Variants in RERE observed in about 807,000 individuals in gnomAD.
RERE encodes the protein arginine-glutamic acid dipeptide repeats protein.
In RERE, 40 loss-of-function variants were observed where a neutral mutation model predicts 146.1. The observed-to-expected ratio is 0.27, with a 90% CI of 0.21 to 0.36. The LOEUF is 0.36. Ranked by LOEUF, RERE falls within the 10% of genes least tolerant of loss-of-function variation. RERE has a pLI of 1.00. For missense variants in RERE, 1,933 were observed against 2,138.7 expected (o/e 0.90, Z 1.90); for synonymous variants, 1,003 against 866.0 (o/e 1.16, Z -2.78).
intron 1 of RERE, among the ~76,000 whole-genome samples, chr1:8,683,741 G>T (rs1464771625): frequency 6.6e-6 from 1 of 152,186 alleles, no homozygotes. Context: ...TCAGGAGTTT[G>T]AAACCAATCT....
intron 20 of RERE, among the ~76,000 whole-genome samples, chr1:8,357,704 ACT>A (rs1361126348): frequency 6.6e-6 from 1 of 152,214 alleles, no homozygotes; most frequent in Non-Finnish European, 1.5e-5. Flanking sequence ...GGTGGACAGG[ACT>A]GAGCAGCCCT....
chr1:8,402,159 G>C (rs185769323), intron 12 of RERE, among the ~76,000 whole-genome samples: 1 of 152,154 alleles, frequency 6.6e-6, no homozygotes. Flanking sequence ...GAGCCGCTGC[G>C]CCCGGCCAAC....
intron 11 of RERE, among the ~76,000 whole-genome samples, chr1:8,458,800 G>A (rs979749438): frequency 3.3e-5 from 5 of 152,334 alleles, no homozygotes; most frequent in East Asian, 1.9e-4. Context: ...GTAGTGAGCC[G>A]TGGATGTGAA....
intron 4 of RERE, among the ~76,000 whole-genome samples, chr1:8,569,337 C>T (rs903354528): frequency 1.3e-5 from 2 of 151,156 alleles, no homozygotes; most frequent in Non-Finnish European, 2.9e-5. Context: ...TTGGTGACGG[C>T]GGTGATGGCA....
At chr1:8,525,494 C>T (rs1645558786) in intron 7 of RERE, among the ~76,000 whole-genome samples, 1 of 152,178 alleles carries the variant, frequency 6.6e-6, no homozygotes, top group South Asian at 2.1e-4. Context: ...ATACTACGAG[C>T]CGAAGAGGTA....
At chr1:8,406,788 T>C (rs1388174203) in intron 12 of RERE, among the ~76,000 whole-genome samples, 1 of 119,146 alleles carries the variant, frequency 8.4e-6, no homozygotes, top group Non-Finnish European at 1.8e-5. Context: ...TTCTCTTCCA[T>C]TTAGTCCAGT....
At chr1:8,570,162 C>A (rs1245728060) in intron 4 of RERE, among the ~76,000 whole-genome samples, 1 of 151,872 alleles carries the variant, frequency 6.6e-6, no homozygotes, top group Non-Finnish European at 1.5e-5. Flanking sequence ...CATGGTGAAA[C>A]CCCGTCTCTA....
intron 1 of RERE, among the ~76,000 whole-genome samples, chr1:8,727,224 C>T (rs578076293): frequency 6.6e-6 from 1 of 152,298 alleles, no homozygotes; most frequent in South Asian, 2.1e-4. Context: ...CTCACTACAA[C>T]CTCCGCCTCC....
chr1:8,390,630 C>T (rs1013301043), intron 12 of RERE, among the ~76,000 whole-genome samples: 1 of 142,092 alleles, frequency 7.0e-6, no homozygotes, highest in African/African-American at 2.7e-5. Flanking sequence ...CAACTAATTC[C>T]TTTCTATCTA....
chr1:8,644,471 TAAC>T, intron 2 of RERE, among the ~76,000 whole-genome samples: 1 of 152,350 alleles, frequency 6.6e-6, no homozygotes, highest in South Asian at 2.1e-4. Context: ...TGAGCCACTC[TAAC>T]AACACATTGC....
chr1:8,394,043 T>C (rs1642971341), intron 12 of RERE, among the ~76,000 whole-genome samples: 1 of 152,054 alleles, frequency 6.6e-6, no homozygotes, highest in African/African-American at 2.4e-5. Context: ...ATCCCTGATT[T>C]CTCCACTAAG....
At chr1:8,398,380 T>C (rs528984910) in intron 12 of RERE, among the ~76,000 whole-genome samples, 1 of 152,212 alleles carries the variant, frequency 6.6e-6, no homozygotes, top group African/African-American at 2.4e-5. Flanking sequence ...CTCTCCTGTG[T>C]GCTTTGCTCA....
chr1:8,607,299 G>C (rs1289074531), intron 4 of RERE, among the ~76,000 whole-genome samples: 5 of 150,604 alleles, frequency 3.3e-5, no homozygotes, highest in Non-Finnish European at 7.4e-5. Context: ...GGTTGAGGCT[G>C]CAGTGAGCCA....
chr1:8,607,530 A>ATTTTTTTTTTTTTTTTTTTTTTTTT (rs1646732347), intron 4 of RERE, among the ~76,000 whole-genome samples: 1 of 57,582 alleles, frequency 1.7e-5, no homozygotes, highest in Admixed American at 2.1e-4. Context: ...TTTTATATAT[A>ATTTTTTTTTTTTTTTTTTTTTTTTT]TTTCTTTTTT....
chr1:8,508,091 T>C (rs1361011351), intron 8 of RERE, among the ~76,000 whole-genome samples: 3 of 152,172 alleles, frequency 2.0e-5, no homozygotes, highest in South Asian at 2.1e-4. Context: ...AATGGATGAA[T>C]AGATAAACAG....
chr1:8,669,224 T>C (rs183695964), intron 1 of RERE, among the ~76,000 whole-genome samples: 439 of 152,016 alleles, frequency 2.9e-3, no homozygotes, highest in African/African-American at 9.8e-3. Flanking sequence ...TATAGGTGTA[T>C]GCCACCACAC....
At chr1:8,390,937 AAAAAC>A (rs964730052) in intron 12 of RERE, among the ~76,000 whole-genome samples, 3 of 151,982 alleles carry the variant, frequency 2.0e-5, no homozygotes, top group African/African-American at 2.4e-5. Context: ...ATTATCTCAA[AAAAAC>A]AAAACAAAAC....
intron 1 of RERE, among the ~76,000 whole-genome samples, chr1:8,777,182 C>T (rs1345496327): frequency 6.6e-6 from 1 of 152,192 alleles, no homozygotes; most frequent in Non-Finnish European, 1.5e-5. Context: ...TATCTGCTAA[C>T]ATTTACACGG....
chr1:8,575,563 T>TATA (rs903438773), intron 4 of RERE, among the ~76,000 whole-genome samples: 132 of 84,756 alleles, frequency 1.6e-3, no homozygotes, highest in South Asian at 6.9e-3. Context: ...ATATATATAT[T>TATA]TTTTTTTTTT....
Sources: gnomAD v4.1 joint callset for allele counts (sites outside exome capture counted in the v4.1 genomes callset) on GRCh38, gnomAD v4.1.1 for gene constraint, MANE v1.5 for transcripts, NCBI Gene and HGNC (gene_info 2026-07-23, HGNC 2026-07-21) for gene names.